Variants in MECOM observed in about 807,000 individuals in gnomAD.
MECOM encodes the protein MDS1 and EVI1 complex locus, also known as histone-lysine N-methyltransferase MECOM.
In MECOM, 13 loss-of-function variants were observed where a neutral mutation model predicts 116.3. That is an observed-to-expected ratio of 0.11 (90% CI 0.07 to 0.18). MECOM has a LOEUF of 0.18. Among genes scored for constraint, MECOM ranks in the 10% least tolerant of loss-of-function variants. The pLI, the probability that MECOM is intolerant of heterozygous loss-of-function variation, is 1.00. For synonymous variants in MECOM, 528 were observed against 535.2 expected, an observed-to-expected ratio of 0.99 and a Z score of 0.19; for missense variants, 1,299 against 1,509.0, an observed-to-expected ratio of 0.86 and a Z score of 2.31.
chr3:169,271,832 G>A (rs1577540917), intron 2 of MECOM, among the ~76,000 whole-genome samples: 1 of 152,200 alleles, frequency 6.6e-6, no homozygotes, highest in East Asian at 1.9e-4. Flanking sequence ...AAATGTCTCA[G>A]GGTAACATTT....
chr3:169,186,236 T>C (rs1332322785), intron 2 of MECOM, among the ~76,000 whole-genome samples: 1 of 151,636 alleles, frequency 6.6e-6, no homozygotes, highest in East Asian at 1.9e-4. Context: ...CAGCTCAGTA[T>C]ATGGGCTAAA....
intron 1 of MECOM, among the ~76,000 whole-genome samples, chr3:169,516,224 G>A (rs1478709098): frequency 6.6e-5 from 10 of 152,150 alleles, no homozygotes. Flanking sequence ...TCTATGGATT[G>A]TTGTTTAGGA....
At chr3:169,220,746 A>G (rs891502896) in intron 2 of MECOM, among the ~76,000 whole-genome samples, 1 of 152,162 alleles carries the variant, frequency 6.6e-6, no homozygotes, top group Non-Finnish European at 1.5e-5. Context: ...AAATGCTGGG[A>G]TTACAGGCTT....
At chr3:169,473,057 C>A (rs1578198303) in intron 1 of MECOM, 1 of 693,680 alleles carries the variant, frequency 1.4e-6, no homozygotes, top group East Asian at 1.3e-4. Flanking sequence ...TAGCATCCAA[C>A]AGTCTCCTGG....
chr3:169,505,308 A>ATT (rs544457605), intron 1 of MECOM, among the ~76,000 whole-genome samples: 25,983 of 148,160 alleles, frequency 0.18, 2,449 homozygotes, highest in East Asian at 0.33. Context: ...TAGAGCAGGA[A>ATT]TTTTTTTTTT....
At chr3:169,311,112 T>C (rs1412174043) in intron 2 of MECOM, among the ~76,000 whole-genome samples, 2 of 152,194 alleles carry the variant, frequency 1.3e-5, no homozygotes, top group Non-Finnish European at 2.9e-5. Context: ...TTAAAAAAGG[T>C]CACAGTATTG....
intron 1 of MECOM, among the ~76,000 whole-genome samples, chr3:169,555,164 A>C (rs901380417): frequency 2.0e-5 from 3 of 152,208 alleles, no homozygotes; most frequent in African/African-American, 7.2e-5. Flanking sequence ...TGAGTGATGA[A>C]ATACAAGCAG....
At chr3:169,378,088 C>T (rs901341244) in intron 2 of MECOM, among the ~76,000 whole-genome samples, 13 of 151,674 alleles carry the variant, frequency 8.6e-5, no homozygotes, top group African/African-American at 2.2e-4. Context: ...AAACAAACAG[C>T]GCATGTTCTC....
At position 169,121,225 on chromosome 3, in the gene MECOM, T is replaced by C. The variant is rs1333540054; in HGVS notation, c.979-16A>G. 6.3e-7 allele frequency: 1 copy of C among 1,581,074 alleles called. No individual in the cohort carries two copies. The highest frequency in any genetic ancestry group is 8.6e-7 in the Non-Finnish European group (1 of 1,160,000). On this transcript the variant is annotated splice_polypyrimidine_tract_variant and intron_variant, in intron 6 of 16. Coordinates refer to ENST00000651503, the MANE Select transcript of MECOM (RefSeq NM_004991.4). ...CCGTGAAAACCTGCTAGGAAATGAG[T>C]ACTGATTAATCAAGAAACTTAACTC...
chr3:169,477,536 T>G (rs888581811), intron 1 of MECOM, among the ~76,000 whole-genome samples: 1 of 152,292 alleles, frequency 6.6e-6, no homozygotes, highest in East Asian at 1.9e-4. Flanking sequence ...CCAAGAGCAC[T>G]TCTCTGTTTC....
chr3:169,257,793 C>A (rs1236689438), intron 2 of MECOM, among the ~76,000 whole-genome samples: 1 of 152,088 alleles, frequency 6.6e-6, no homozygotes, highest in African/African-American at 2.4e-5. Flanking sequence ...GAGGAGCTGC[C>A]GTAATGGTGT....
chr3:169,323,497 G>A (rs147825041), intron 2 of MECOM, among the ~76,000 whole-genome samples: 57 of 152,342 alleles, frequency 3.7e-4, no homozygotes, highest in African/African-American at 1.2e-3. Context: ...CAGACAGACA[G>A]GCAGGCCAGG....
At chr3:169,214,081 G>A (rs1751118294) in intron 2 of MECOM, among the ~76,000 whole-genome samples, 1 of 152,082 alleles carries the variant, frequency 6.6e-6, no homozygotes, top group East Asian at 1.9e-4. Context: ...GCTTTCTTGA[G>A]TGTCTACACT....
intron 2 of MECOM, among the ~76,000 whole-genome samples, chr3:169,248,946 G>T (rs543463733): frequency 1.4e-4 from 21 of 152,236 alleles, no homozygotes; most frequent in African/African-American, 5.1e-4. Context: ...GTGGTACTCT[G>T]TTGGGACAGC....
At chr3:169,449,724 G>A (rs1460337095) in intron 1 of MECOM, among the ~76,000 whole-genome samples, 4 of 152,074 alleles carry the variant, frequency 2.6e-5, no homozygotes, top group African/African-American at 7.2e-5. Flanking sequence ...ATGTATGTCT[G>A]AGACAATACG....
chr3:169,308,412 G>A (rs1405533694), intron 2 of MECOM, among the ~76,000 whole-genome samples: 2 of 152,198 alleles, frequency 1.3e-5, no homozygotes, highest in Non-Finnish European at 2.9e-5. Flanking sequence ...CTCCAAAAAA[G>A]TGAGAAGGTA....
chr3:169,327,906 A>T (rs1442631673), intron 2 of MECOM, among the ~76,000 whole-genome samples: 1 of 152,166 alleles, frequency 6.6e-6, no homozygotes, highest in Non-Finnish European at 1.5e-5. Flanking sequence ...TAAATACTTC[A>T]CTTCAAAAGC....
At chr3:169,143,890 T>C in intron 2 of MECOM, 58 bp from the exon 3 acceptor site, 3 of 1,476,188 alleles carry the variant, frequency 2.0e-6, no homozygotes, top group Middle Eastern at 1.8e-4. Context: ...ATTAAAATAA[T>C]CAGTTGTTTG....
At chr3:169,525,734 G>C (rs1285526811) in intron 1 of MECOM, among the ~76,000 whole-genome samples, 2 of 152,152 alleles carry the variant, frequency 1.3e-5, no homozygotes, top group South Asian at 2.1e-4. Context: ...CTTTGTAAAA[G>C]GTGGCTGGAT....
Sources: gnomAD v4.1 joint callset for allele counts (sites outside exome capture counted in the v4.1 genomes callset) on GRCh38, gnomAD v4.1.1 for gene constraint, MANE v1.5 for transcripts, NCBI Gene and HGNC (gene_info 2026-07-23, HGNC 2026-07-21) for gene names.